Variants in DPP6 observed in about 807,000 individuals in gnomAD.
The protein encoded by DPP6 is dipeptidyl peptidase like 6, also known as A-type potassium channel modulatory protein DPP6.
DPP6 carries 69 observed loss-of-function variants against 122.6 expected under a neutral mutation model. The ratio of observed to expected loss-of-function variants is 0.56; its 90% CI spans 0.46 to 0.69. DPP6 has a LOEUF of 0.69. Among genes scored for constraint, DPP6 ranks in the 30% least tolerant of loss-of-function variants. The pLI, the probability that DPP6 is intolerant of heterozygous loss-of-function variation, is 0.00. For missense variants in DPP6, 928 were observed against 1,116.9 expected (o/e 0.83, Z 2.41); for synonymous variants, 418 against 433.1 (o/e 0.97, Z 0.43).
intron 8 of DPP6, among the ~76,000 whole-genome samples, chr7:154,728,642 C>A (rs1480735297): frequency 1.3e-5 from 2 of 152,192 alleles, no homozygotes; most frequent in African/African-American, 2.4e-5. Flanking sequence ...CAAGATATAA[C>A]AAGATTCCAC....
the DPP6 span, among the ~76,000 whole-genome samples, chr7:153,807,897 A>C: frequency 6.6e-6 from 1 of 151,902 alleles, no homozygotes; most frequent in East Asian, 1.9e-4. Context: ...GTGCAAGAGA[A>C]AACATCTGTT....
intron 1 of DPP6, among the ~76,000 whole-genome samples, chr7:153,928,055 T>C (rs1310332054): frequency 3.3e-5 from 5 of 152,078 alleles, no homozygotes; most frequent in African/African-American, 1.2e-4. Context: ...AGTTGAATGG[T>C]ATAACATTAA....
rs1179332969 is a variant in DPP6 at position 153,944,673 on chromosome 7, T to TTTTG, written c.51+56942_51+56943insGTTT. Among the ~76,000 whole-genome samples the TTTTG allele has an allele frequency of 3.5e-5, 5 of 143,956 alleles. No individual in the cohort carries two copies. In the East Asian group the frequency reaches 1.0e-3, roughly 29 times the overall value. 94.4% of individuals were successfully genotyped at this position (143,956 alleles called of 152,430 possible). A position where few individuals can be genotyped will look rare whatever the true frequency, so the allele number is the denominator to read the frequency against. ...TCTTATTTTTGTGTGGGTTTTTTTT[T>TTTTG]TTTTTTTTTTTTTGAGACAGAATTT... On this transcript the variant is annotated intron_variant, in intron 1 of 25. Transcript: ENST00000404039.
chr7:154,123,998 C>A (rs1807698465), intron 1 of DPP6, among the ~76,000 whole-genome samples: 1 of 151,964 alleles, frequency 6.6e-6, no homozygotes, highest in Non-Finnish European at 1.5e-5. Flanking sequence ...ACATGCTGCC[C>A]ACTCACTATG....
chr7:154,080,316 A>T (rs13233235), intron 1 of DPP6, among the ~76,000 whole-genome samples: 78,931 of 151,770 alleles, frequency 0.52, 20,874 homozygotes, highest in Non-Finnish European at 0.57. Flanking sequence ...ATCCAAGATC[A>T]AGGTGTGGAG....
intron 1 of DPP6, among the ~76,000 whole-genome samples, chr7:153,956,118 C>A (rs1802449856): frequency 6.6e-6 from 1 of 152,150 alleles, no homozygotes; most frequent in Admixed American, 6.5e-5. Context: ...CAAGGGTAGA[C>A]CCAATACAAC....
intron 1 of DPP6, among the ~76,000 whole-genome samples, chr7:154,292,609 G>A (rs1393476871): frequency 1.3e-5 from 2 of 152,190 alleles, no homozygotes; most frequent in African/African-American, 4.8e-5. Context: ...GTTTCTGAAG[G>A]ACTTGGCTCT....
chr7:154,392,763 A>C lies in DPP6; in HGVS notation c.244-53451A>C, dbSNP rs1228440200. On this transcript the variant is annotated intron_variant, in intron 1 of 25. Transcript: ENST00000377770. Reference sequence around the variant, plus strand: ...ATTAGAGAAGGCCCCAGGAGGCACAAGGTTATAATTGTGTAGAATTAGAGA... The same window carrying C: ...ATTAGAGAAGGCCCCAGGAGGCACACGGTTATAATTGTGTAGAATTAGAGA... Among the ~76,000 whole-genome samples the C allele has an allele frequency of 2.0e-5, 3 of 152,340 alleles. No homozygotes were observed. In the East Asian group the frequency reaches 5.8e-4, roughly 29 times the overall value.
At chr7:154,721,447 G>C (rs1324635701) in intron 7 of DPP6, among the ~76,000 whole-genome samples, 1 of 152,178 alleles carries the variant, frequency 6.6e-6, no homozygotes, top group East Asian at 1.9e-4. Context: ...GATTAAGCGA[G>C]TTAATGCTCA....
At chr7:153,825,422 G>A in the DPP6 span, among the ~76,000 whole-genome samples, 1 of 152,104 alleles carries the variant, frequency 6.6e-6, no homozygotes, top group African/African-American at 2.4e-5. Flanking sequence ...TGGAGGCACA[G>A]CTGATGAAAT....
At chr7:154,287,547 T>C (rs541261295) in intron 1 of DPP6, among the ~76,000 whole-genome samples, 1 of 152,306 alleles carries the variant, frequency 6.6e-6, no homozygotes, top group South Asian at 2.1e-4. Flanking sequence ...CTCCAAGAAT[T>C]CTGTCTCAAT....
intron 1 of DPP6, among the ~76,000 whole-genome samples, chr7:154,431,309 C>T (rs977213721): frequency 2.6e-5 from 4 of 152,050 alleles, no homozygotes; most frequent in African/African-American, 7.2e-5. Flanking sequence ...CTTCCCTGCG[C>T]CACTCCCCAG....
intron 7 of DPP6, among the ~76,000 whole-genome samples, chr7:154,724,471 A>G (rs1036624385): frequency 1.6e-4 from 24 of 152,192 alleles, no homozygotes; most frequent in Middle Eastern, 3.2e-3. Flanking sequence ...CTCAGATGAT[A>G]GCAACAGGCT....
chr7:153,899,688 T>C (rs976366974), intron 1 of DPP6, among the ~76,000 whole-genome samples: 7 of 152,304 alleles, frequency 4.6e-5, no homozygotes, highest in African/African-American at 1.7e-4. Flanking sequence ...TTCTGAGAAA[T>C]GTGTTGTGCT....
At chr7:154,876,884 T>C (rs2150658359) in intron 20 of DPP6, 1 of 152,354 alleles carries the variant, frequency 6.6e-6, no homozygotes, top group Non-Finnish European at 1.5e-5. Flanking sequence ...CTCAACGGAC[T>C]GTGGACTTGG....
chr7:154,302,693 A>T (rs879280904), intron 1 of DPP6, among the ~76,000 whole-genome samples: 5 of 152,194 alleles, frequency 3.3e-5, no homozygotes, highest in Non-Finnish European at 7.3e-5. Flanking sequence ...GTTTAGGTGT[A>T]AAAAAATATT....
Position 154,575,528 on chromosome 7 carries a change from G to A in DPP6, c.627+8612G>A, listed in dbSNP as rs896318243. Among the ~76,000 whole-genome samples, 159 of 121,048 alleles carry A rather than the reference G, an allele frequency of 1.3e-3. 2 individuals are homozygous for A. Among genetic ancestry groups the A allele is most frequent in the African/African-American group, 4.7e-3 (146 of 30,922 alleles). 79.4% of individuals were successfully genotyped at this position (121,048 alleles called of 152,430 possible). ...GTGTGTGTGTGGTGTGTGTATGTGC[G>A]TAGTGTATGTGGTGTGTGTGGTGTG... is the stretch of plus-strand genomic sequence containing the variant. On this transcript the variant is annotated intron_variant, in intron 5 of 25. Transcript: ENST00000377770.
chr7:154,889,606 C>T, intron 25 of DPP6, 76 bp downstream of exon 25: 1 of 1,548,158 alleles, frequency 6.5e-7, no homozygotes, highest in African/African-American at 1.4e-5. Flanking sequence ...GACGGGTGTT[C>T]AGGGCCTTCT....
the DPP6 span, among the ~76,000 whole-genome samples, chr7:153,813,504 A>G: frequency 6.6e-6 from 1 of 152,122 alleles, no homozygotes; most frequent in Admixed American, 6.5e-5. Flanking sequence ...ATGTGTCTTT[A>G]TAGCAGCATG....
Sources: gnomAD v4.1 joint callset for allele counts (sites outside exome capture counted in the v4.1 genomes callset) on GRCh38, gnomAD v4.1.1 for gene constraint, MANE v1.5 for transcripts, NCBI Gene and HGNC (gene_info 2026-07-23, HGNC 2026-07-21) for gene names.